Variants in PTPRD observed in about 807,000 individuals in gnomAD.
PTPRD encodes the protein protein tyrosine phosphatase receptor type D.
A neutral mutation model predicts 214.5 loss-of-function variants in PTPRD; 34 were observed. That is an observed-to-expected ratio of 0.16 (90% CI 0.12 to 0.21). The LOEUF is 0.21. Among genes scored for constraint, PTPRD ranks in the 10% least tolerant of loss-of-function variants. PTPRD has a pLI of 1.00. For synonymous variants in PTPRD, 1,128 were observed against 845.7 expected, an observed-to-expected ratio of 1.33 and a Z score of -5.79; for missense variants, 2,545 against 2,398.7, an observed-to-expected ratio of 1.06 and a Z score of -1.27.
chr9:10,585,408 C>G (rs2073569113), intron 2 of PTPRD, among the ~76,000 whole-genome samples: 3 of 151,870 alleles, frequency 2.0e-5, no homozygotes, highest in Non-Finnish European at 4.4e-5. Flanking sequence ...AGCCAATTAA[C>G]AAATTTACCT....
chr9:9,488,294 T>C (rs1039203412), intron 8 of PTPRD, among the ~76,000 whole-genome samples: 2 of 152,216 alleles, frequency 1.3e-5, no homozygotes, highest in Admixed American at 6.5e-5. Flanking sequence ...TTTGGTGTAA[T>C]TCCACAGTTT....
chr9:8,936,812 T>C (rs1177840275), intron 11 of PTPRD, among the ~76,000 whole-genome samples: 2 of 152,210 alleles, frequency 1.3e-5, no homozygotes, highest in Non-Finnish European at 2.9e-5. Context: ...AAGGTTTATA[T>C]GGTGAACATG....
At chr9:9,120,853 G>C (rs534595749) in intron 10 of PTPRD, among the ~76,000 whole-genome samples, 8 of 152,258 alleles carry the variant, frequency 5.3e-5, no homozygotes, top group African/African-American at 1.9e-4. Context: ...CGTTTCCAAG[G>C]GTTGGTATCA....
intron 39 of PTPRD, among the ~76,000 whole-genome samples, chr9:8,343,150 T>C (rs971794655): frequency 3.5e-5 from 1 of 28,596 alleles, no homozygotes; most frequent in African/African-American, 7.0e-5. Flanking sequence ...TAAGAGATCA[T>C]TTTTTTTTTA....
chr9:8,485,470 T>G, intron 28 of PTPRD, 146 bp from the exon 29 acceptor site: 2 of 638,052 alleles, frequency 3.1e-6, no homozygotes, highest in Non-Finnish European at 5.4e-6. Flanking sequence ...TTTAGAGCAT[T>G]CATTTTAATA....
At chr9:9,676,165 G>T (rs983161319) in intron 7 of PTPRD, among the ~76,000 whole-genome samples, 2 of 151,996 alleles carry the variant, frequency 1.3e-5, no homozygotes, top group African/African-American at 4.8e-5. Flanking sequence ...TAGGGTACAT[G>T]TGCACAACGT....
chr9:10,344,210 G>A (rs149331352), intron 2 of PTPRD, among the ~76,000 whole-genome samples: 3,311 of 151,882 alleles, frequency 0.022, 48 homozygotes, highest in Middle Eastern at 0.085. Flanking sequence ...TTTGTATAAG[G>A]TGTAAGGAAG....
chr9:10,285,177 AC>A (rs2095302149), intron 3 of PTPRD, among the ~76,000 whole-genome samples: 2 of 152,178 alleles, frequency 1.3e-5, no homozygotes, highest in Admixed American at 1.3e-4. Flanking sequence ...ATGTAAAATA[AC>A]CCAGTCCTCC....
intron 2 of PTPRD, among the ~76,000 whole-genome samples, chr9:10,472,950 T>C (rs1038530200): frequency 2.0e-5 from 3 of 152,162 alleles, no homozygotes; most frequent in Admixed American, 2.0e-4. Context: ...ATATTGCATA[T>C]AAATTGTTTA....
At chr9:9,916,852 A>G (rs543783369) in intron 5 of PTPRD, among the ~76,000 whole-genome samples, 64 of 152,028 alleles carry the variant, frequency 4.2e-4, no homozygotes, top group Admixed American at 6.5e-4. Flanking sequence ...AATATTTTTT[A>G]ATCAAAATCA....
At chr9:9,431,375 A>C (rs1465849132) in intron 8 of PTPRD, among the ~76,000 whole-genome samples, 1 of 152,170 alleles carries the variant, frequency 6.6e-6, no homozygotes, top group African/African-American at 2.4e-5. Context: ...CACCAGTTAG[A>C]ATGGCGATCA....
intron 7 of PTPRD, among the ~76,000 whole-genome samples, chr9:9,665,411 C>T (rs904378689): frequency 2.0e-5 from 3 of 151,576 alleles, no homozygotes; most frequent in Non-Finnish European, 4.4e-5. Flanking sequence ...TATTTAATAT[C>T]AAAACTTATA....
intron 7 of PTPRD, among the ~76,000 whole-genome samples, chr9:9,697,161 T>G (rs921584934): frequency 2.6e-5 from 4 of 151,848 alleles, no homozygotes; most frequent in African/African-American, 9.7e-5. Context: ...TGTAGCTATT[T>G]TTTTGATAGA....
intron 11 of PTPRD, among the ~76,000 whole-genome samples, chr9:8,780,734 T>G (rs948637819): frequency 6.6e-6 from 1 of 152,220 alleles, no homozygotes; most frequent in Non-Finnish European, 1.5e-5. Flanking sequence ...CCAAGAAATA[T>G]TCTATCCTCA....
chr9:8,491,749 A>G (rs766930964), intron 27 of PTPRD, among the ~76,000 whole-genome samples: 1 of 151,914 alleles, frequency 6.6e-6, no homozygotes, highest in African/African-American at 2.4e-5. Context: ...TCCAGGTGGC[A>G]GGATGCGAGC....
intron 3 of PTPRD, among the ~76,000 whole-genome samples, chr9:10,130,633 A>G (rs2098860070): frequency 6.6e-6 from 1 of 152,178 alleles, no homozygotes; most frequent in African/African-American, 2.4e-5. Context: ...ACTTTAAAAT[A>G]GAAGAAAGTA....
intron 3 of PTPRD, among the ~76,000 whole-genome samples, chr9:10,278,981 A>G (rs1452985130): frequency 1.3e-5 from 2 of 152,028 alleles, no homozygotes; most frequent in Admixed American, 6.6e-5. Flanking sequence ...TCACCGTGTT[A>G]GCCAGGATGA....
At chr9:10,124,055 T>G (rs1311699678) in intron 3 of PTPRD, among the ~76,000 whole-genome samples, 1 of 152,174 alleles carries the variant, frequency 6.6e-6, no homozygotes, top group African/African-American at 2.4e-5. Context: ...CTACTATAAG[T>G]TGAAATGCAC....
intron 11 of PTPRD, among the ~76,000 whole-genome samples, chr9:8,911,305 T>C (rs995402634): frequency 4.6e-5 from 7 of 152,090 alleles, no homozygotes; most frequent in African/African-American, 1.7e-4. Flanking sequence ...TTAAGGTCAA[T>C]TGATTTTTGA....
Sources: gnomAD v4.1 joint callset for allele counts (sites outside exome capture counted in the v4.1 genomes callset) on GRCh38, gnomAD v4.1.1 for gene constraint, MANE v1.5 for transcripts, NCBI Gene and HGNC (gene_info 2026-07-23, HGNC 2026-07-21) for gene names.